The following RORB variants were observed in gnomAD, a reference collection of about 807,000 sequenced individuals.
The protein encoded by RORB is RAR related orphan receptor B, also known as nuclear receptor ROR-beta.
A neutral mutation model predicts 59.1 loss-of-function variants in RORB; 6 were observed. That is an observed-to-expected ratio of 0.10 (90% CI 0.06 to 0.20). The LOEUF is 0.20. Among genes scored for constraint, RORB ranks in the 10% least tolerant of loss-of-function variants. The pLI is 1.00. For missense variants in RORB, 320 were observed against 560.5 expected (o/e 0.57, Z 4.33); for synonymous variants, 215 against 204.5 (o/e 1.05, Z -0.44).
intron 1 of RORB, among the ~76,000 whole-genome samples, chr9:74,524,870 T>C (rs895062644): frequency 2.6e-5 from 4 of 151,878 alleles, no homozygotes; most frequent in African/African-American, 9.7e-5. Flanking sequence ...AATATGTCTT[T>C]GATTCTAATT....
At chr9:74,539,986 A>G (rs1266619932) in intron 1 of RORB, among the ~76,000 whole-genome samples, 1 of 152,134 alleles carries the variant, frequency 6.6e-6, no homozygotes, top group African/African-American at 2.4e-5. Flanking sequence ...AGGGAAAAGG[A>G]AAGACTTTTA....
In RORB at chr9:74,548,019, A is replaced by T. The variant is rs148787115; in HGVS notation, c.7+50036A>T. 2.6e-5 allele frequency among the ~76,000 whole-genome samples: 4 copies of T among 152,352 alleles called. No homozygotes were observed. The East Asian group carries it at 7.7e-4, about 29-fold the overall frequency. ...CTGAAAATGGTTTAAATTGTTTTTAATGTTGAGTTTTCAATATAGTTTTTA... is the reference window on the plus strand; with the variant it reads ...CTGAAAATGGTTTAAATTGTTTTTATTGTTGAGTTTTCAATATAGTTTTTA... On this transcript the variant is annotated intron_variant, in intron 1 of 9. Transcript: ENST00000376896.
chr9:74,643,652 C>CA (rs1385627189), intron 4 of RORB, among the ~76,000 whole-genome samples: 1 of 152,178 alleles, frequency 6.6e-6, no homozygotes, highest in Non-Finnish European at 1.5e-5. Context: ...AACAGGGTTG[C>CA]ATGTTAACAG....
chr9:74,665,644 T>C (rs1824252630), intron 7 of RORB, 49 bp downstream of exon 7: 1 of 1,162,586 alleles, frequency 8.6e-7, no homozygotes, highest in African/African-American at 1.5e-5. Flanking sequence ...ACCATCAGTT[T>C]CTCCACTTAG....
chr9:74,497,845 G>C lies in RORB; in HGVS notation c.-132G>C. On this transcript the variant is annotated 5_prime_UTR_variant, in exon 1 of 10. Transcript: ENST00000376896. ...CTGCAGCCACGGCGTCCGCCTAAAG[G>C]GATGGTTTTCTCGGCAGAGCAGCTC... is the stretch of plus-strand genomic sequence containing the variant. 1 of 1,114,190 alleles carries C rather than the reference G, an allele frequency of 9.0e-7. No individual in the cohort carries two copies. The highest frequency in any genetic ancestry group is 2.0e-4 in the Middle Eastern group (1 of 5,008). The allele number at this position is 1,114,190 out of a possible 1,614,324, so 69.0% of individuals were successfully genotyped here.
At position 74,536,099 on chromosome 9, in the gene RORB, T is replaced by C. The variant is rs150794658; in HGVS notation, c.7+38116T>C. Among the ~76,000 whole-genome samples the C allele has an allele frequency of 8.7e-3, 1,324 of 152,204 alleles. 10 individuals are homozygous for C. The highest frequency in any genetic ancestry group is 0.014 in the Non-Finnish European group (924 of 67,978). On this transcript the variant is annotated intron_variant, in intron 1 of 9. Transcript: ENST00000376896. ...TCTGCTTACATGAAGTATTCTTCTG[T>C]TCAGTTACTTCCATCAAGAAAAGAC...
intron 1 of RORB, among the ~76,000 whole-genome samples, chr9:74,575,117 G>C (rs148556622): frequency 5.3e-5 from 8 of 152,198 alleles, no homozygotes; most frequent in African/African-American, 1.9e-4. Context: ...ATACAAAAAA[G>C]GTAGACTGTG....
chr9:74,557,318 A>C (rs979971669), intron 1 of RORB, among the ~76,000 whole-genome samples: 1 of 152,124 alleles, frequency 6.6e-6, no homozygotes, highest in African/African-American at 2.4e-5. Context: ...CTCCACAGAC[A>C]CGAATGAGGA....
intron 5 of RORB, among the ~76,000 whole-genome samples, chr9:74,661,891 T>C (rs1003666983): frequency 6.6e-5 from 10 of 151,952 alleles, no homozygotes; most frequent in Non-Finnish European, 1.2e-4. Context: ...GTGATCCGCC[T>C]GCCTCAGCCT....
intron 1 of RORB, among the ~76,000 whole-genome samples, chr9:74,520,491 C>T (rs1188438696): frequency 1.3e-5 from 2 of 151,826 alleles, no homozygotes; most frequent in Non-Finnish European, 2.9e-5. Flanking sequence ...CAATATGATA[C>T]CAATGACAGC....
At chr9:74,666,999 A>G (rs1824278851) in intron 7 of RORB, among the ~76,000 whole-genome samples, 1 of 152,204 alleles carries the variant, frequency 6.6e-6, no homozygotes, top group Non-Finnish European at 1.5e-5. Context: ...AGCCAACAAC[A>G]AGTCCATCGG....
intron 1 of RORB, chr9:74,498,939 T>C: frequency 6.5e-6 from 1 of 153,456 alleles, no homozygotes; most frequent in Non-Finnish European, 1.5e-5. Flanking sequence ...GGCTGGAGGG[T>C]GGGTTTCGGG....
chr9:74,574,431 T>A (rs1274410736), intron 1 of RORB, among the ~76,000 whole-genome samples: 1 of 152,164 alleles, frequency 6.6e-6, no homozygotes, highest in Non-Finnish European at 1.5e-5. Context: ...TCACAGATAT[T>A]TTCCCTTAAT....
At chr9:74,585,306 G>C (rs528548199) in intron 1 of RORB, among the ~76,000 whole-genome samples, 4 of 152,076 alleles carry the variant, frequency 2.6e-5, no homozygotes, top group Admixed American at 1.3e-4. Flanking sequence ...ACTCTCCCTA[G>C]CATAATCTCA....
intron 1 of RORB, among the ~76,000 whole-genome samples, chr9:74,525,968 T>C (rs1319169862): frequency 6.6e-6 from 1 of 151,926 alleles, no homozygotes; most frequent in African/African-American, 2.4e-5. Context: ...AATACAAGGA[T>C]GGGTTACAGT....
intron 1 of RORB, among the ~76,000 whole-genome samples, chr9:74,574,061 C>A (rs1371336516): frequency 6.6e-6 from 1 of 152,108 alleles, no homozygotes; most frequent in Non-Finnish European, 1.5e-5. Flanking sequence ...ATCAACCCAG[C>A]AAGATGAAGA....
chr9:74,690,152 G>T lies in RORB; in HGVS notation c.*4534G>T, dbSNP rs1824717142. 1 of 152,164 alleles carries T rather than the reference G, an allele frequency of 6.6e-6. No individual in the cohort carries two copies. Among genetic ancestry groups the T allele is most frequent in the Admixed American group, 6.5e-5 (1 of 15,280 alleles). 9.4% of individuals were successfully genotyped at this position (152,164 alleles called of 1,614,324 possible). ...AAGCCTACCATCTGCTTTAGACGAAGTGTTATTTGATGTTCTGTTTCCAAC... is the reference window on the plus strand; with the variant it reads ...AAGCCTACCATCTGCTTTAGACGAATTGTTATTTGATGTTCTGTTTCCAAC... On this transcript the variant is annotated 3_prime_UTR_variant, in exon 10 of 10. Coordinates refer to ENST00000376896, the MANE Select transcript of RORB (RefSeq NM_006914.4).
intron 1 of RORB, among the ~76,000 whole-genome samples, chr9:74,568,910 C>T (rs1000671515): frequency 1.3e-5 from 2 of 151,900 alleles, no homozygotes; most frequent in Non-Finnish European, 2.9e-5. Flanking sequence ...GAAAATCTTT[C>T]ATCTTTTATC....
At chr9:74,606,863 C>G (rs1823157725) in intron 1 of RORB, among the ~76,000 whole-genome samples, 1 of 152,076 alleles carries the variant, frequency 6.6e-6, no homozygotes, top group African/African-American at 2.4e-5. Context: ...ATAAATGAAC[C>G]AAACCTACAC....
Sources: gnomAD v4.1 joint callset for allele counts (sites outside exome capture counted in the v4.1 genomes callset) on GRCh38, gnomAD v4.1.1 for gene constraint, MANE v1.5 for transcripts, NCBI Gene and HGNC (gene_info 2026-07-23, HGNC 2026-07-21) for gene names.